The following BOC variants were observed in gnomAD, a reference collection of about 807,000 sequenced individuals.
The protein encoded by BOC is BOC cell adhesion associated, oncogene regulated, also known as brother of CDO.
BOC carries 76 observed loss-of-function variants against 112.0 expected under a neutral mutation model. That is an observed-to-expected ratio of 0.68 (90% confidence interval 0.56 to 0.82). BOC has a LOEUF of 0.82. BOC is among the 40% of genes least tolerant of loss of function. BOC has a pLI of 0.00. For missense variants in BOC, 1,309 were observed against 1,511.7 expected, an observed-to-expected ratio of 0.87 and a Z score of 2.22; for synonymous variants, 580 against 599.8, an observed-to-expected ratio of 0.97 and a Z score of 0.48.
intron 9 of BOC, among the ~76,000 whole-genome samples, chr3:113,275,467 C>T (rs1484708472): frequency 1.3e-5 from 2 of 152,226 alleles, no homozygotes; most frequent in African/African-American, 2.4e-5. Context: ...GCCGTTACCC[C>T]ACAGGGATGA....
chr3:113,226,049 T>C (rs1941607463), intron 2 of BOC, among the ~76,000 whole-genome samples: 1 of 152,188 alleles, frequency 6.6e-6, no homozygotes, highest in African/African-American at 2.4e-5. Flanking sequence ...ATCCAGTGTG[T>C]GTCTATGAGC....
chr3:113,257,837 A>C (rs531186905), intron 4 of BOC, among the ~76,000 whole-genome samples: 19 of 152,202 alleles, frequency 1.2e-4, no homozygotes, highest in Admixed American at 4.6e-4. Flanking sequence ...CACTTGAAAA[A>C]CAGCAAAGCA....
intron 2 of BOC, among the ~76,000 whole-genome samples, chr3:113,246,930 T>C (rs912152645): frequency 2.0e-5 from 3 of 152,154 alleles, no homozygotes; most frequent in Admixed American, 1.3e-4. Context: ...TTTTGAACCT[T>C]ATAAATTACC....
chr3:113,281,017 ACT>A lies in BOC; in HGVS notation c.2312-11_2312-10del, dbSNP rs769445611. ...ACACATTGCCATGCACCATTCTCTG[ACT>A]CTGTTTCCCAGGGGACAAGTACTGG... is the stretch of plus-strand genomic sequence containing the variant. On this transcript the variant is annotated splice_polypyrimidine_tract_variant and intron_variant, in intron 14 of 19. Coordinates refer to ENST00000682979, the MANE Select transcript of BOC (RefSeq NM_001378074.1). The A allele has an allele frequency of 1.2e-6, 2 of 1,613,394 alleles. No individual in the cohort carries two copies. Among genetic ancestry groups the A allele is most frequent in the African/African-American group, 1.3e-5 (1 of 74,990 alleles).
At chr3:113,235,099 G>C (rs1943242193) in intron 2 of BOC, among the ~76,000 whole-genome samples, 1 of 152,178 alleles carries the variant, frequency 6.6e-6, no homozygotes, top group Admixed American at 6.5e-5. Context: ...TCTGCTTTAA[G>C]TGCTGTTCAG....
intron 2 of BOC, among the ~76,000 whole-genome samples, chr3:113,249,079 G>A (rs935337852): frequency 3.9e-5 from 6 of 152,154 alleles, no homozygotes; most frequent in Non-Finnish European, 8.8e-5. Context: ...TAGATGTTAT[G>A]GACAAGCTGA....
At chr3:113,272,799 C>T in intron 7 of BOC, 96 bp downstream of exon 7, 1 of 1,421,916 alleles carries the variant, frequency 7.0e-7, no homozygotes, top group Non-Finnish European at 9.6e-7. Flanking sequence ...GGGTTAGCAT[C>T]TTGTGAAAGG....
chr3:113,249,112 A>G (rs1366839973), intron 2 of BOC, among the ~76,000 whole-genome samples: 1 of 152,142 alleles, frequency 6.6e-6, no homozygotes, highest in African/African-American at 2.4e-5. Context: ...GATTGCAGGA[A>G]TAAAAGGGAG....
chr3:113,246,614 T>C (rs1944948822), intron 2 of BOC, among the ~76,000 whole-genome samples: 1 of 152,210 alleles, frequency 6.6e-6, no homozygotes, highest in African/African-American at 2.4e-5. Flanking sequence ...CATCATTTTA[T>C]GTATTTATAA....
At chr3:113,266,132 A>G (rs1947452246) in intron 4 of BOC, among the ~76,000 whole-genome samples, 3 of 152,236 alleles carry the variant, frequency 2.0e-5, no homozygotes. Context: ...CTTGACCCGC[A>G]GGCATCATGC....
Position 113,240,257 on chromosome 3 carries a change from C to A in BOC, c.-81-9465C>A, listed in dbSNP as rs570370022. On this transcript the variant is annotated intron_variant, in intron 2 of 19. Coordinates refer to ENST00000682979, the MANE Select transcript of BOC (RefSeq NM_001378074.1). ...TGTATCAAGCTTGGAAGGCAAAAAA[C>A]AACAACAACGAGCACAGTGTCTGCC... 3.3e-5 allele frequency among the ~76,000 whole-genome samples: 5 copies of A among 152,296 alleles called. No homozygotes were observed. The South Asian group carries it at 1.0e-3, about 32-fold the overall frequency.
rs779675533 is a variant in BOC, at chr3:113,272,561, C to T, written c.819C>T (p.Gly273=). Residue 273 remains glycine, a synonymous_variant, in exon 7 of 20, where the codon GGC becomes GGT. Coordinates refer to ENST00000682979, the MANE Select transcript of BOC (RefSeq NM_001378074.1). ...CCAAGGATGGGTCCAGTGTCACCGG[C>T]TACAACAAGACGCGCTTCCTGCTGA... is the stretch of plus-strand genomic sequence containing the variant. ...TWAKDGSSVT[G]YNKTRFLLSN... is the part of the protein sequence containing the mutation. 7 of 1,614,076 alleles carry T rather than the reference C, an allele frequency of 4.3e-6. No individual in the cohort carries two copies. The highest frequency in any genetic ancestry group is 1.3e-5 in the African/African-American group (1 of 75,026).
At chr3:113,239,312 C>T (rs776513653) in intron 2 of BOC, among the ~76,000 whole-genome samples, 2 of 152,068 alleles carry the variant, frequency 1.3e-5, no homozygotes, top group Non-Finnish European at 2.9e-5. Flanking sequence ...TACAACTGAT[C>T]AGATACTGGG....
At chr3:113,280,108 C>A in intron 13 of BOC, 103 bp downstream of exon 13, 1 of 1,239,326 alleles carries the variant, frequency 8.1e-7, no homozygotes, top group Non-Finnish European at 1.1e-6. Context: ...CACCTGAAAG[C>A]TTCATCAGTG....
rs145532572 is a variant in BOC at position 113,282,149 on chromosome 3, C to G, written c.2434+996C>G. 2.6e-5 allele frequency among the ~76,000 whole-genome samples: 4 copies of G among 152,184 alleles called. No individual in the cohort carries two copies. The East Asian group carries it at 7.7e-4, about 29-fold the overall frequency. On this transcript the variant is annotated intron_variant, in intron 15 of 19. Transcript: ENST00000682979. Reference sequence around the variant, plus strand: ...GGGAGTGAATGCCTAGGAAAGAGGCCACTGAGGATGGTGTGAGATGAGCCG... The same window carrying G: ...GGGAGTGAATGCCTAGGAAAGAGGCGACTGAGGATGGTGTGAGATGAGCCG...
At chr3:113,285,040 G>A (rs1425487641) in intron 18 of BOC, among the ~76,000 whole-genome samples, 182 bp downstream of exon 18, 4 of 152,252 alleles carry the variant, frequency 2.6e-5, no homozygotes, top group South Asian at 2.1e-4. Context: ...TTGCAATTGC[G>A]ATGCCCTTTC....
In BOC at chr3:113,287,141, C is replaced by T. The variant is rs1949764680; in HGVS notation, c.*279C>T. 2.2e-6 allele frequency: 1 copy of T among 456,632 alleles called. No homozygotes were observed. Among genetic ancestry groups the T allele is most frequent in the Non-Finnish European group, 4.2e-6 (1 of 237,756 alleles). 28.3% of individuals were successfully genotyped at this position (456,632 alleles called of 1,614,324 possible). A position where few individuals can be genotyped will look rare whatever the true frequency, so the allele number is the denominator to read the frequency against. ...CGCGGGACAGACTCCTAACCTGGGG[C>T]CTCTGCAGTGGCAGGCGAGGCTGCA... On this transcript the variant is annotated 3_prime_UTR_variant, in exon 20 of 20. Transcript: ENST00000682979.
At position 113,268,330 on chromosome 3, in the gene BOC, C is replaced by T. The variant is rs771793792; in HGVS notation, c.408C>T (p.His136=). The change falls in exon 5 of 20, where the codon CAC becomes CAT. Residue 136 remains histidine (H), a synonymous_variant. Coordinates refer to ENST00000682979, the MANE Select transcript of BOC (RefSeq NM_001378074.1). ...NLQDFKLDVQ[H]VIEVDEGNTA... ...AGGACTTCAAGTTAGATGTGCAGCA[C>T]GTGATTGAAGTGGATGAGGGAAACA... The T allele has an allele frequency of 2.4e-5, 39 of 1,614,014 alleles. No individual in the cohort carries two copies. Among genetic ancestry groups the T allele is most frequent in the South Asian group, 1.9e-4 (17 of 91,060 alleles).
chr3:113,240,293 C>T (rs995027489), intron 2 of BOC, among the ~76,000 whole-genome samples: 1 of 152,212 alleles, frequency 6.6e-6, no homozygotes, highest in East Asian at 1.9e-4. Flanking sequence ...TTGGTTTTAG[C>T]AGTTTCAGCT....
Sources: allele counts gnomAD v4.1 joint callset (sites outside exome capture counted in the v4.1 genomes callset), GRCh38; gene constraint gnomAD v4.1.1; transcripts MANE v1.5; gene names NCBI Gene and HGNC (gene_info 2026-07-23, HGNC 2026-07-21).